POLR3G: variants seen among roughly 807,000 people sequenced by gnomAD.
The protein encoded by POLR3G is RNA polymerase III subunit G, also known as DNA-directed RNA polymerase III subunit RPC7.
In POLR3G, 28 loss-of-function variants were observed where a neutral mutation model predicts 30.1. That is an observed-to-expected ratio of 0.93 (90% CI 0.69 to 1.27). POLR3G has a LOEUF of 1.27. Ranked by LOEUF, POLR3G falls within the 50% of genes most tolerant of loss-of-function variation. The pLI is 0.00. For missense variants in POLR3G, 254 were observed against 264.6 expected, an observed-to-expected ratio of 0.96 and a Z score of 0.28; for synonymous variants, 79 against 82.5, an observed-to-expected ratio of 0.96 and a Z score of 0.23.
chr5:90,474,462 A>G, upstream of POLR3G: 1 of 624,986 alleles, frequency 1.6e-6, no homozygotes, highest in East Asian at 2.8e-5. Flanking sequence ...AGGAGGAAGG[A>G]CGCAGACCGA....
chr5:90,514,402 CGTTT>C lies in POLR3G; in HGVS notation c.*2268_*2271del, dbSNP rs746092376. The C allele has an allele frequency of 2.2e-4, 34 of 152,096 alleles. No individual in the cohort carries two copies. In the East Asian group the frequency reaches 2.3e-3, roughly 10 times the overall value. The allele number at this position is 152,096 out of a possible 1,614,324, so 9.4% of individuals were successfully genotyped here. Reference sequence around the variant, plus strand: ...AAATTCTTACAAAACAAAATGTGTTCGTTTGTTTTATAGTAAGATGTTTTATTTT... The same window carrying C: ...AAATTCTTACAAAACAAAATGTGTTCGTTTTATAGTAAGATGTTTTATTTT... On this transcript the variant is annotated 3_prime_UTR_variant, in exon 8 of 8. Transcript: ENST00000651687.
chr5:90,474,190 C>T (rs752780412), upstream of POLR3G: 50 of 1,610,010 alleles, frequency 3.1e-5, no homozygotes, highest in Non-Finnish European at 4.0e-5. Context: ...GAGCCGCGCA[C>T]CAGCCAGATG....
At chr5:90,497,848 G>A in intron 5 of POLR3G, 142 bp downstream of exon 5, 2 of 1,027,688 alleles carry the variant, frequency 1.9e-6, no homozygotes, top group Non-Finnish European at 2.6e-6. Flanking sequence ...TCTCATGCCT[G>A]TAATCTCAGC....
intron 6 of POLR3G, among the ~76,000 whole-genome samples, chr5:90,504,712 C>G (rs1752409302): frequency 6.6e-6 from 1 of 152,112 alleles, no homozygotes; most frequent in Non-Finnish European, 1.5e-5. Flanking sequence ...AACTATACAA[C>G]TTATTGGTTG....
At chr5:90,508,104 A>C (rs1211389704) in intron 7 of POLR3G, among the ~76,000 whole-genome samples, 1 of 152,208 alleles carries the variant, frequency 6.6e-6, no homozygotes, top group African/African-American at 2.4e-5. Context: ...CTCAAAAAAC[A>C]CTAGCCCCAT....
In POLR3G at chr5:90,478,569, C is replaced by CTTTTTT. The variant is rs773881344; in HGVS notation, c.-44+3561_-44+3566dup. 5.5e-3 allele frequency among the ~76,000 whole-genome samples: 440 copies of CTTTTTT among 79,316 alleles called. 68 individuals carry two copies. Among genetic ancestry groups the CTTTTTT allele is most frequent in the African/African-American group, 0.021 (422 of 19,794 alleles). 52.0% of individuals were successfully genotyped at this position (79,316 alleles called of 152,430 possible). On this transcript the variant is annotated intron_variant, in intron 1 of 7. Transcript: ENST00000651687. ...AATGGGAGGTTTAATCTGCGTGGTT[C>CTTTTTT]TTTTTTTTTTTTTTTTTGAGAGGGA...
intron 7 of POLR3G, among the ~76,000 whole-genome samples, chr5:90,507,491 G>C (rs1382528781): frequency 6.6e-6 from 1 of 152,142 alleles, no homozygotes; most frequent in African/African-American, 2.4e-5. Flanking sequence ...GTTTCCAAGT[G>C]GCTAGCCAGC....
intron 1 of POLR3G, among the ~76,000 whole-genome samples, chr5:90,483,352 C>G (rs1751245632): frequency 6.6e-6 from 1 of 152,090 alleles, no homozygotes; most frequent in African/African-American, 2.4e-5. Context: ...TGAAAATGTT[C>G]TCAGTATCAT....
In POLR3G at chr5:90,501,979, A is replaced by G. The variant is rs1388254715; in HGVS notation, c.429A>G (p.Lys143=). ...TPLTNTEDVL[K]KMEELEKRGD... ...TCACTAATACTGAAGATGTGTTGAA[A>G]AAAATGGAGGTAAGGTTTTCTTCTT... is the stretch of plus-strand genomic sequence containing the variant. Residue 143 remains lysine, a synonymous_variant, in exon 6 of 8, where the codon AAA becomes AAG. Coordinates refer to ENST00000651687, the MANE Select transcript of POLR3G (RefSeq NM_006467.3). The G allele has an allele frequency of 6.2e-7, 1 of 1,612,834 alleles. No homozygotes were observed. The highest frequency in any genetic ancestry group is 8.5e-7 in the Non-Finnish European group (1 of 1,179,226).
intron 6 of POLR3G, chr5:90,502,522 TA>T: frequency 2.3e-6 from 1 of 436,844 alleles, no homozygotes; most frequent in Non-Finnish European, 3.0e-6. Context: ...TTTAAAAATT[TA>T]ATTTTTCAAA....
Position 90,485,700 on chromosome 5 carries a change from G to A in POLR3G, c.117+16G>A. 6.5e-7 allele frequency: 1 copy of A among 1,548,612 alleles called. No individual in the cohort carries two copies. Among genetic ancestry groups the A allele is most frequent in the African/African-American group, 1.4e-5 (1 of 73,292 alleles). ...ACTATTTCCTGTAAGTATATGAACA[G>A]TTGAATTCTCATAGTGTGTTTTTTC... On this transcript the variant is annotated intron_variant, in intron 2 of 7. Transcript: ENST00000651687.
chr5:90,496,064 A>T (rs1751972826), intron 4 of POLR3G, among the ~76,000 whole-genome samples: 1 of 151,904 alleles, frequency 6.6e-6, no homozygotes, highest in Non-Finnish European at 1.5e-5. Context: ...CTCCACCTCC[A>T]GGGATCATGC....
At chr5:90,492,825 T>C (rs889602100) in intron 3 of POLR3G, among the ~76,000 whole-genome samples, 1 of 122,742 alleles carries the variant, frequency 8.1e-6, no homozygotes, top group Admixed American at 8.2e-5. Flanking sequence ...GCCGAGATTG[T>C]GCCACTGCAC....
At chr5:90,489,628 A>G (rs1285352927) in intron 3 of POLR3G, among the ~76,000 whole-genome samples, 6 of 152,278 alleles carry the variant, frequency 3.9e-5, no homozygotes, top group Non-Finnish European at 7.4e-5. Context: ...TGAGTTCTAA[A>G]ATAAAACTTT....
chr5:90,495,792 G>T (rs1751955922), intron 4 of POLR3G, 59 bp downstream of exon 4: 2 of 1,269,722 alleles, frequency 1.6e-6, no homozygotes, highest in East Asian at 3.0e-5. Flanking sequence ...CTCACCTCAT[G>T]TTTTTTTTTT....
intron 1 of POLR3G, among the ~76,000 whole-genome samples, chr5:90,484,093 CT>C (rs1243188894): frequency 1.3e-5 from 2 of 152,196 alleles, no homozygotes; most frequent in African/African-American, 4.8e-5. Context: ...CTAAAACTGA[CT>C]CTTGCCCAAT....
At chr5:90,506,801 C>T in intron 7 of POLR3G, 127 bp downstream of exon 7, 4 of 1,336,960 alleles carry the variant, frequency 3.0e-6, no homozygotes, top group Non-Finnish European at 3.9e-6. Flanking sequence ...ATATTATTAT[C>T]AATGGCATCG....
At chr5:90,488,547 A>T (rs990918028) in intron 3 of POLR3G, among the ~76,000 whole-genome samples, 2 of 152,052 alleles carry the variant, frequency 1.3e-5, no homozygotes, top group African/African-American at 4.8e-5. Context: ...ACATATCCTT[A>T]TTATTCTTGG....
intron 2 of POLR3G, among the ~76,000 whole-genome samples, chr5:90,486,895 T>G (rs1751464141): frequency 6.6e-6 from 1 of 152,208 alleles, no homozygotes; most frequent in Admixed American, 6.5e-5. Context: ...AGTCTAAACA[T>G]GTTGAGTACT....
Sources: gnomAD v4.1 joint callset for allele counts (sites outside exome capture counted in the v4.1 genomes callset) on GRCh38, gnomAD v4.1.1 for gene constraint, MANE v1.5 for transcripts, NCBI Gene and HGNC (gene_info 2026-07-23, HGNC 2026-07-21) for gene names.